Variants in CLSTN2 observed in about 807,000 individuals in gnomAD.
CLSTN2 encodes the protein calsyntenin 2.
CLSTN2 carries 48 observed loss-of-function variants against 101.2 expected under a neutral mutation model. The observed-to-expected ratio is 0.47, with a 90% CI of 0.38 to 0.60. The LOEUF (loss-of-function observed/expected upper bound fraction) is 0.60, where lower values mean the gene tolerates loss of function less well. Among genes scored for constraint, CLSTN2 ranks in the 20% least tolerant of loss-of-function variants. The pLI, the probability that CLSTN2 is intolerant of heterozygous loss-of-function variation, is 0.00. For synonymous variants in CLSTN2, 481 were observed against 463.6 expected, an observed-to-expected ratio of 1.04 and a Z score of -0.48; for missense variants, 1,160 against 1,238.2, an observed-to-expected ratio of 0.94 and a Z score of 0.95.
At chr3:140,065,669 G>GTCT (rs367855185) in intron 1 of CLSTN2, among the ~76,000 whole-genome samples, 102 of 152,226 alleles carry the variant, frequency 6.7e-4, no homozygotes, top group African/African-American at 2.4e-3. Context: ...ATACTATAAA[G>GTCT]TCTCTCTAGA....
intron 5 of CLSTN2, among the ~76,000 whole-genome samples, chr3:140,442,064 G>A (rs9877176): frequency 0.17 from 25,741 of 152,072 alleles, 2,632 homozygotes; most frequent in South Asian, 0.32. Context: ...CTCTCATTCT[G>A]CAATGCTATA....
At chr3:140,538,922 G>T (rs760638895) in intron 9 of CLSTN2, among the ~76,000 whole-genome samples, 1 of 152,124 alleles carries the variant, frequency 6.6e-6, no homozygotes, top group Non-Finnish European at 1.5e-5. Flanking sequence ...CTTATTAAAG[G>T]CTCTCAAAAG....
chr3:140,216,745 G>T (rs1183169656), intron 2 of CLSTN2, among the ~76,000 whole-genome samples: 3 of 152,154 alleles, frequency 2.0e-5, no homozygotes, highest in African/African-American at 7.2e-5. Context: ...AAAGCATTTT[G>T]TAAACTTCCA....
In CLSTN2 at chr3:140,176,995, T is replaced by C. The variant is rs572068130; in HGVS notation, c.232+922T>C. On this transcript the variant is annotated intron_variant, in intron 2 of 16. Transcript: ENST00000458420. Reference sequence around the variant, plus strand: ...CAGAGAAAAGGGGGTTCTTTTGCACTTCTAAGAGATAAGCTTTGTGAAGAC... The same window carrying C: ...CAGAGAAAAGGGGGTTCTTTTGCACCTCTAAGAGATAAGCTTTGTGAAGAC... Among the ~76,000 whole-genome samples, 3 of 152,344 alleles carry C rather than the reference T, an allele frequency of 2.0e-5. No individual in the cohort carries two copies. The South Asian group carries it at 6.2e-4, about 32-fold the overall frequency.
chr3:140,536,639 T>G (rs754901189), intron 9 of CLSTN2, among the ~76,000 whole-genome samples: 1 of 152,184 alleles, frequency 6.6e-6, no homozygotes, highest in Non-Finnish European at 1.5e-5. Flanking sequence ...TTTTAGGCCA[T>G]GGGAAGATTT....
chr3:140,116,146 A>G (rs2009239232), intron 1 of CLSTN2, among the ~76,000 whole-genome samples: 1 of 152,134 alleles, frequency 6.6e-6, no homozygotes, highest in South Asian at 2.1e-4. Flanking sequence ...TTAGTCATAC[A>G]CATCCACCTC....
intron 8 of CLSTN2, among the ~76,000 whole-genome samples, chr3:140,491,029 G>T (rs781632935): frequency 1.3e-5 from 2 of 152,190 alleles, no homozygotes; most frequent in Non-Finnish European, 2.9e-5. Flanking sequence ...GTCAACCCCC[G>T]TAAGTCATAC....
chr3:140,568,565 A>T lies in CLSTN2; in HGVS notation c.*2312A>T, dbSNP rs1421427903. The T allele has an allele frequency of 6.6e-6, 1 of 152,188 alleles. No homozygotes were observed. The highest frequency in any genetic ancestry group is 1.5e-5 in the Non-Finnish European group (1 of 68,024). 9.4% of individuals were successfully genotyped at this position (152,188 alleles called of 1,614,324 possible). ...TTTTCACAATCCCATTTAAATAAAA[A>T]AAAGATCTTTAGTTGGGCATTTAGG... On this transcript the variant is annotated 3_prime_UTR_variant, in exon 17 of 17. Coordinates refer to ENST00000458420, the MANE Select transcript of CLSTN2 (RefSeq NM_022131.3).
At chr3:140,259,243 G>A (rs112473122) in intron 2 of CLSTN2, among the ~76,000 whole-genome samples, 1,872 of 151,780 alleles carry the variant, frequency 0.012, 13 homozygotes, top group Non-Finnish European at 0.017. Context: ...GGAGGCCAAG[G>A]CGGGTGGATC....
chr3:140,200,335 A>G (rs906752031), intron 2 of CLSTN2, among the ~76,000 whole-genome samples: 4 of 152,218 alleles, frequency 2.6e-5, no homozygotes, highest in Admixed American at 1.3e-4. Context: ...CATAAGTTTC[A>G]GGGGATTTAT....
chr3:140,172,450 G>A (rs186366894), intron 1 of CLSTN2, among the ~76,000 whole-genome samples: 3 of 152,214 alleles, frequency 2.0e-5, no homozygotes, highest in African/African-American at 7.2e-5. Flanking sequence ...GATTTGGCAA[G>A]AACTGGGTTC....
chr3:140,378,119 G>A (rs553975827), intron 2 of CLSTN2, among the ~76,000 whole-genome samples: 2 of 152,304 alleles, frequency 1.3e-5, no homozygotes, highest in African/African-American at 4.8e-5. Flanking sequence ...TATAGCCTAG[G>A]TGTGTAGTAG....
In CLSTN2 at chr3:140,562,234, TG is replaced by T; in HGVS notation, c.2140del (p.Glu714SerfsTer29). The T allele has an allele frequency of 6.2e-7, 1 of 1,614,106 alleles. No individual in the cohort carries two copies. Among genetic ancestry groups the T allele is most frequent in the Non-Finnish European group, 8.5e-7 (1 of 1,179,980 alleles). On this transcript the variant is annotated frameshift_variant, in exon 13 of 17. Transcript: ENST00000458420. LOFTEE classifies it high-confidence loss of function. Reference protein sequence around the residue: ...GGDLDPRQECLELNHSELHQR... With the variant: ...GGDLDPRQECXELNHSELHQR... ...GACTTGGACCCAAGGCAGGAGTGCTTGGAGCTCAACCACAGTGAGCTCCACC... is the reference window on the plus strand; with the variant it reads ...GACTTGGACCCAAGGCAGGAGTGCTTGAGCTCAACCACAGTGAGCTCCACC...
chr3:140,083,906 A>T (rs1412528451), intron 1 of CLSTN2, among the ~76,000 whole-genome samples: 3 of 152,222 alleles, frequency 2.0e-5, no homozygotes, highest in Non-Finnish European at 4.4e-5. Flanking sequence ...TTTAAAAAAC[A>T]GTAAACTTTG....
chr3:140,538,243 C>T (rs2107782679), intron 9 of CLSTN2, among the ~76,000 whole-genome samples: 1 of 152,236 alleles, frequency 6.6e-6, no homozygotes, highest in East Asian at 1.9e-4. Context: ...CCTAGAGTGT[C>T]CAGCCTTGCC....
At chr3:140,429,272 G>A (rs906052040) in intron 5 of CLSTN2, among the ~76,000 whole-genome samples, 1 of 152,106 alleles carries the variant, frequency 6.6e-6, no homozygotes, top group Non-Finnish European at 1.5e-5. Flanking sequence ...ATACGGGTAG[G>A]ATCTACCAGA....
chr3:140,345,535 C>T (rs144767051), intron 2 of CLSTN2, among the ~76,000 whole-genome samples: 33 of 151,912 alleles, frequency 2.2e-4, no homozygotes, highest in African/African-American at 8.0e-4. Flanking sequence ...CAGCCATGAG[C>T]CACCGCGCCC....
At chr3:140,369,242 T>C (rs1576535946) in intron 2 of CLSTN2, among the ~76,000 whole-genome samples, 1 of 152,262 alleles carries the variant, frequency 6.6e-6, no homozygotes, top group Non-Finnish European at 1.5e-5. Context: ...AATTGGATTC[T>C]AGACACTTCA....
At chr3:140,163,451 G>C (rs562618024) in intron 1 of CLSTN2, among the ~76,000 whole-genome samples, 6 of 129,792 alleles carry the variant, frequency 4.6e-5, no homozygotes, top group African/African-American at 2.7e-4. Context: ...CACACACACA[G>C]ATGTAGAGCT....
Sources: allele counts gnomAD v4.1 joint callset (sites outside exome capture counted in the v4.1 genomes callset), GRCh38; gene constraint gnomAD v4.1.1; transcripts MANE v1.5; gene names NCBI Gene and HGNC (gene_info 2026-07-23, HGNC 2026-07-21).